Variants in RTN3 observed in about 807,000 individuals in gnomAD.
The protein encoded by RTN3 is reticulon 3, also known as reticulon-3.
A neutral mutation model predicts 77.8 loss-of-function variants in RTN3; 49 were observed. The ratio of observed to expected loss-of-function variants is 0.63; its 90% CI spans 0.50 to 0.80. The LOEUF (loss-of-function observed/expected upper bound fraction) is 0.80, where lower values mean the gene tolerates loss of function less well. Ranked by LOEUF, RTN3 falls within the 30% of genes least tolerant of loss-of-function variation. The probability of loss-of-function intolerance (pLI) is 0.00; values close to 1 mark genes in which losing one functional copy is unlikely to be tolerated. For synonymous variants in RTN3, 464 were observed against 446.9 expected (o/e 1.04, Z -0.48); for missense variants, 1,236 against 1,211.9 (o/e 1.02, Z -0.29).
chr11:63,704,447 C>T (rs1050045595), intron 1 of RTN3, among the ~76,000 whole-genome samples: 1 of 152,016 alleles, frequency 6.6e-6, no homozygotes, highest in African/African-American at 2.4e-5. Flanking sequence ...AGTGACTTAC[C>T]TCCTCAAAAT....
At chr11:63,756,356 A>G (rs373451222) in intron 8 of RTN3, among the ~76,000 whole-genome samples, 186 bp downstream of exon 8, 2 of 152,224 alleles carry the variant, frequency 1.3e-5, no homozygotes, top group African/African-American at 2.4e-5. Flanking sequence ...AAAATCCTTT[A>G]TATCTTTTTC....
At chr11:63,687,673 C>CT (rs1941445964) in intron 1 of RTN3, among the ~76,000 whole-genome samples, 1 of 151,152 alleles carries the variant, frequency 6.6e-6, no homozygotes, top group Non-Finnish European at 1.5e-5. Context: ...TAGTAAATAA[C>CT]TGTACCATTA....
intron 2 of RTN3, chr11:63,714,224 ATAATT>A (rs2011261690): frequency 2.8e-6 from 1 of 357,144 alleles, no homozygotes; most frequent in Non-Finnish European, 5.5e-6. Flanking sequence ...TCTAAACAAA[ATAATT>A]AAAGTTAAAG....
intron 4 of RTN3, among the ~76,000 whole-genome samples, chr11:63,751,802 G>A (rs76176526): frequency 1.3e-5 from 2 of 152,128 alleles, no homozygotes; most frequent in Non-Finnish European, 2.9e-5. Context: ...GACTAGCCTG[G>A]CCAACATGGT....
chr11:63,719,131 C>A lies in RTN3; in HGVS notation c.629C>A (p.Ala210Asp). 1 of 1,614,134 alleles carries A rather than the reference C, an allele frequency of 6.2e-7. No individual in the cohort carries two copies. Among genetic ancestry groups the A allele is most frequent in the Non-Finnish European group, 8.5e-7 (1 of 1,180,028 alleles). Residue 210 changes from alanine to aspartate, a missense_variant, in exon 3 of 9, where the codon GCC (alanine) becomes GAC (aspartate). By Grantham distance (126) the Ala-to-Asp change is moderately radical (BLOSUM62 -2). Transcript: ENST00000377819. ...DADDRFTLLT[A>D]QKPPTEYSKV... is the part of the protein sequence containing the mutation. ...GATGACAGATTCACTTTGCTGACAG[C>A]CCAGAAACCACCTACTGAGTACTCT...
At chr11:63,705,837 T>C (rs1942468716) in intron 2 of RTN3, among the ~76,000 whole-genome samples, 1 of 152,308 alleles carries the variant, frequency 6.6e-6, no homozygotes, top group African/African-American at 2.4e-5. Context: ...GGGAATCAGT[T>C]TGTGGAGGCA....
intron 7 of RTN3, among the ~76,000 whole-genome samples, 182 bp from the exon 8 acceptor site, chr11:63,755,930 C>G (rs1789215): frequency 2.0e-5 from 3 of 151,776 alleles, no homozygotes; most frequent in Non-Finnish European, 2.9e-5. Context: ...CTGCACTCCA[C>G]CCTGGGCGAG....
At chr11:63,729,742 G>A (rs1240229139) in intron 3 of RTN3, among the ~76,000 whole-genome samples, 1 of 151,790 alleles carries the variant, frequency 6.6e-6, no homozygotes, top group African/African-American at 2.4e-5. Context: ...TTATAGGCAT[G>A]AGCCACTATG....
At chr11:63,717,817 C>T (rs1391965539) in intron 2 of RTN3, among the ~76,000 whole-genome samples, 1 of 151,444 alleles carries the variant, frequency 6.6e-6, no homozygotes, top group Non-Finnish European at 1.5e-5. Flanking sequence ...AGTTAAGAGA[C>T]CAGCCTGGCC....
chr11:63,704,178 T>C (rs1312110314), intron 1 of RTN3, among the ~76,000 whole-genome samples: 1 of 151,906 alleles, frequency 6.6e-6, no homozygotes, highest in Non-Finnish European at 1.5e-5. Context: ...AATTTTTGTA[T>C]TTTTAGTAGA....
At chr11:63,681,453 T>TGCGCGCTCGCGCTC (rs1941023781), upstream of RTN3, 1 of 545,564 alleles carries the variant, frequency 1.8e-6, no homozygotes, top group Non-Finnish European at 2.9e-6. Flanking sequence ...TTTGTGCGCA[T>TGCGCGCTCGCGCTC]GCGCGCTCGC....
At chr11:63,695,891 AGAGT>A (rs1301599247) in intron 1 of RTN3, among the ~76,000 whole-genome samples, 13 of 152,202 alleles carry the variant, frequency 8.5e-5, no homozygotes, top group Non-Finnish European at 1.5e-4. Context: ...AAAGAAGGAC[AGAGT>A]GAGACCTTAC....
rs749895978 is a variant in RTN3, at chr11:63,704,859, G to A, written c.151G>A (p.Val51Ile). Residue 51 changes from valine to isoleucine, a missense_variant, in exon 2 of 9, where the codon GTT (valine) becomes ATT (isoleucine). By Grantham distance (29) the Val-to-Ile change is conservative (BLOSUM62 3). Transcript: ENST00000377819. ...TGTATATTTTCTTTCAGATTCCTTT[G>A]TTTCTTCCTCTTCCTCTCAGCCTGT... ...SCSSSCADSF[V>I]SSSSSQPVSL... The A allele has an allele frequency of 1.4e-5, 22 of 1,610,484 alleles. No individual in the cohort carries two copies. Among genetic ancestry groups the A allele is most frequent in the Non-Finnish European group, 1.8e-5 (21 of 1,177,152 alleles).
intron 6 of RTN3, 36 bp from the exon 7 acceptor site, chr11:63,753,626 T>C: frequency 6.3e-7 from 1 of 1,597,186 alleles, no homozygotes; most frequent in Non-Finnish European, 8.6e-7. Flanking sequence ...CTGTCTCTCA[T>C]ATACACTTGC....
chr11:63,755,310 G>A lies in RTN3; in HGVS notation c.2995-802G>A, dbSNP rs150675300. Among the ~76,000 whole-genome samples the A allele has an allele frequency of 5.5e-3, 837 of 152,170 alleles. 5 individuals carry two copies. The highest frequency in any genetic ancestry group is 0.019 in the African/African-American group (778 of 41,520). ...TTTTTTCACTTTAACAAAGTGTGGG[G>A]TGTTTATGGTGTAATTTGGATTCTA... On this transcript the variant is annotated intron_variant, in intron 7 of 8. Transcript: ENST00000377819.
chr11:63,719,102 T>A lies in RTN3; in HGVS notation c.600T>A (p.Asp200Glu). Residue 200 changes from aspartate (D) to glutamate (E), a missense_variant, in exon 3 of 9, where the codon GAT (aspartate) becomes GAA (glutamate). Transcript: ENST00000377819. Reference sequence around the variant, plus strand: ...GTAGGGAGGCTAAAACTGCATTGGATGCTGATGACAGATTCACTTTGCTGA... The same window carrying A: ...GTAGGGAGGCTAAAACTGCATTGGAAGCTGATGACAGATTCACTTTGCTGA... ...VSSREAKTALDADDRFTLLTA... is the reference protein window; with the variant it reads ...VSSREAKTALEADDRFTLLTA... 6.2e-7 allele frequency: 1 copy of A among 1,614,172 alleles called. No individual in the cohort carries two copies. The highest frequency in any genetic ancestry group is 8.5e-7 in the Non-Finnish European group (1 of 1,180,030).
At chr11:63,683,998 C>T (rs1255400730) in intron 1 of RTN3, among the ~76,000 whole-genome samples, 5 of 113,238 alleles carry the variant, frequency 4.4e-5, no homozygotes, top group African/African-American at 1.7e-4. Flanking sequence ...CTGTCACAGA[C>T]TGGAGTGCAG....
At chr11:63,714,156 G>GC in intron 2 of RTN3, 3 of 418,566 alleles carry the variant, frequency 7.2e-6, no homozygotes, top group South Asian at 3.5e-5. Flanking sequence ...CAGGTCAGCT[G>GC]TGTCCAAGTT....
rs149529524 is a variant in RTN3 at position 63,689,533 on chromosome 11, G to A, written c.142+7755G>A. On this transcript the variant is annotated intron_variant, in intron 1 of 8. Coordinates refer to ENST00000377819, the MANE Select transcript of RTN3 (RefSeq NM_001265589.2). Reference sequence around the variant, plus strand: ...CTCAGAGAGAATCTCTTTAAATACTGTAACGGGGTTTGCATTTCCATTTTA... The same window carrying A: ...CTCAGAGAGAATCTCTTTAAATACTATAACGGGGTTTGCATTTCCATTTTA... 3.6e-3 allele frequency among the ~76,000 whole-genome samples: 546 copies of A among 152,176 alleles called. 4 individuals are homozygous for A. The highest frequency in any genetic ancestry group is 0.013 in the African/African-American group (523 of 41,528).
Sources: allele counts gnomAD v4.1 joint callset (sites outside exome capture counted in the v4.1 genomes callset), GRCh38; gene constraint gnomAD v4.1.1; transcripts MANE v1.5; gene names NCBI Gene and HGNC (gene_info 2026-07-23, HGNC 2026-07-21).